Variants in LTBP1 observed in about 807,000 individuals in gnomAD.
The protein encoded by LTBP1 is latent transforming growth factor beta binding protein 1.
LTBP1 carries 129 observed loss-of-function variants against 207.6 expected under a neutral mutation model. The observed-to-expected ratio is 0.62, with a 90% CI of 0.54 to 0.72. The LOEUF (loss-of-function observed/expected upper bound fraction) is 0.72, where lower values mean the gene tolerates loss of function less well. LTBP1 is among the 30% of genes least tolerant of loss of function. The probability of loss-of-function intolerance (pLI) is 0.00; values close to 1 mark genes in which losing one functional copy is unlikely to be tolerated. For missense variants in LTBP1, 2,281 were observed against 2,217.2 expected (o/e 1.03, Z -0.58); for synonymous variants, 963 against 833.7 (o/e 1.16, Z -2.67).
chr2:33,397,224 T>A lies in LTBP1; in HGVS notation c.4926T>A (p.Gly1642=). ...GTCGCTGTGTGAGGGTCCAGGAAGG[T>A]TACACCTGCGATTGCTTTGATGGGT... is the stretch of plus-strand genomic sequence containing the variant. ...ENGRCVRVQE[G]YTCDCFDGYH... The change falls in exon 33 of 34, where the codon GGT becomes GGA. Residue 1642 remains glycine, a synonymous_variant. Coordinates refer to ENST00000404816, the MANE Select transcript of LTBP1 (RefSeq NM_206943.4). 1.9e-6 allele frequency: 3 copies of A among 1,614,162 alleles called. No homozygotes were observed. Among genetic ancestry groups the A allele is most frequent in the Non-Finnish European group, 2.5e-6 (3 of 1,180,016 alleles).
At chr2:32,989,520 T>A (rs1684088425) in intron 2 of LTBP1, among the ~76,000 whole-genome samples, 1 of 152,204 alleles carries the variant, frequency 6.6e-6, no homozygotes, top group Admixed American at 6.5e-5. Flanking sequence ...CAGTATATGC[T>A]TTACTCTGAC....
At chr2:33,089,885 A>G (rs2078980893) in intron 3 of LTBP1, among the ~76,000 whole-genome samples, 1 of 152,230 alleles carries the variant, frequency 6.6e-6, no homozygotes, top group Admixed American at 6.5e-5. Flanking sequence ...AGCATTGCTG[A>G]GCTGAGCAAG....
chr2:33,362,023 C>T (rs967310178), intron 28 of LTBP1, among the ~76,000 whole-genome samples: 1 of 152,130 alleles, frequency 6.6e-6, no homozygotes, highest in Non-Finnish European at 1.5e-5. Context: ...GAAGAGAAGA[C>T]AACCAAAGTA....
intron 26 of LTBP1, among the ~76,000 whole-genome samples, chr2:33,357,057 G>A (rs1192182014): frequency 2.0e-5 from 3 of 152,222 alleles, no homozygotes; most frequent in Admixed American, 1.3e-4. Flanking sequence ...TGGAAAGGGA[G>A]AGCCCATTTA....
intron 8 of LTBP1, 130 bp from the exon 9 acceptor site, chr2:33,221,950 G>T: frequency 1.7e-6 from 1 of 593,472 alleles, no homozygotes; most frequent in Non-Finnish European, 3.1e-6. Flanking sequence ...GATATACATT[G>T]GTATTGGTTT....
chr2:33,249,575 A>G (rs2092622327), intron 10 of LTBP1, among the ~76,000 whole-genome samples: 1 of 152,110 alleles, frequency 6.6e-6, no homozygotes, highest in South Asian at 2.1e-4. Flanking sequence ...TATGGTTATG[A>G]TTTGGTACTA....
At chr2:33,212,568 A>T (rs376265426) in intron 7 of LTBP1, among the ~76,000 whole-genome samples, 1 of 152,196 alleles carries the variant, frequency 6.6e-6, no homozygotes, top group Non-Finnish European at 1.5e-5. Context: ...TCTGCTTCAT[A>T]TCCTGGGCAT....
In LTBP1 at chr2:33,188,553, A is replaced by G. The variant is rs751185070; in HGVS notation, c.1427-24A>G. On this transcript the variant is annotated intron_variant, in intron 6 of 33. Coordinates refer to ENST00000404816, the MANE Select transcript of LTBP1 (RefSeq NM_206943.4). ...GCCTGTTAGTTATTCAGGACTAACA[A>G]GTTTTCCTCCCAATCTGTTGTAGTG... is the stretch of plus-strand genomic sequence containing the variant. 5 of 1,591,578 alleles carry G rather than the reference A, an allele frequency of 3.1e-6. No homozygotes were observed. In the East Asian group the frequency reaches 1.1e-4, roughly 36 times the overall value.
In LTBP1 at chr2:33,068,096, G is replaced by A. The variant is rs144079086; in HGVS notation, c.864-42486G>A. Reference sequence around the variant, plus strand: ...ATAGGTGTGTGAAAAGACATTTTCAGAGATGAAATATGTAAAATCTCATTA... The same window carrying A: ...ATAGGTGTGTGAAAAGACATTTTCAAAGATGAAATATGTAAAATCTCATTA... On this transcript the variant is annotated intron_variant, in intron 3 of 33. Coordinates refer to ENST00000404816, the MANE Select transcript of LTBP1 (RefSeq NM_206943.4). Among the ~76,000 whole-genome samples the A allele has an allele frequency of 3.3e-3, 474 of 143,324 alleles. 2 individuals carry two copies. The highest frequency in any genetic ancestry group is 5.6e-3 in the Non-Finnish European group (374 of 66,934). 94.0% of individuals were successfully genotyped at this position (143,324 alleles called of 152,430 possible).
intron 3 of LTBP1, among the ~76,000 whole-genome samples, chr2:33,045,411 T>G (rs1158583865): frequency 6.6e-6 from 1 of 152,230 alleles, no homozygotes; most frequent in African/African-American, 2.4e-5. Context: ...TTGTCAAAGA[T>G]CAGATGGTTG....
In LTBP1 at chr2:32,947,223, G is replaced by A. The variant is rs576791668; in HGVS notation, c.-102G>A. 244 of 922,044 alleles carry A rather than the reference G, an allele frequency of 2.6e-4. 3 individuals carry two copies. In the Admixed American group the frequency reaches 5.0e-3, roughly 19 times the overall value. 57.1% of individuals were successfully genotyped at this position (922,044 alleles called of 1,614,324 possible). On this transcript the variant is annotated 5_prime_UTR_variant, in exon 1 of 34. Coordinates refer to ENST00000404816, the MANE Select transcript of LTBP1 (RefSeq NM_206943.4). ...CTCCTCCCGCCTTTCCCGGGCTCTCGGCAGCTCTCGGGGGAGCCCGAACGC... is the reference window on the plus strand; with the variant it reads ...CTCCTCCCGCCTTTCCCGGGCTCTCAGCAGCTCTCGGGGGAGCCCGAACGC...
At chr2:33,126,377 A>G (rs7600941) in intron 4 of LTBP1, among the ~76,000 whole-genome samples, 9,954 of 152,192 alleles carry the variant, frequency 0.065, 419 homozygotes, top group African/African-American at 0.11. Context: ...TTGTTCTTAG[A>G]CAAGATTCAC....
intron 5 of LTBP1, among the ~76,000 whole-genome samples, chr2:33,136,153 C>T (rs574981168): frequency 1.3e-5 from 2 of 152,116 alleles, no homozygotes; most frequent in Non-Finnish European, 1.5e-5. Flanking sequence ...CCCATAGATA[C>T]GATTTAAAAG....
chr2:33,332,372 C>CAAAAA (rs745342264), intron 24 of LTBP1, among the ~76,000 whole-genome samples: 5 of 52,478 alleles, frequency 9.5e-5, no homozygotes, highest in Non-Finnish European at 1.3e-4. Context: ...ACACCATCTC[C>CAAAAA]AAAAAAAAAA....
chr2:33,336,111 T>G (rs1259517914), intron 24 of LTBP1, among the ~76,000 whole-genome samples: 3 of 152,144 alleles, frequency 2.0e-5, no homozygotes, highest in African/African-American at 4.8e-5. Context: ...ATTTCTTGTA[T>G]TAAAGGACAG....
intron 24 of LTBP1, among the ~76,000 whole-genome samples, chr2:33,316,210 A>G (rs1213624016): frequency 6.6e-6 from 1 of 152,278 alleles, no homozygotes; most frequent in Non-Finnish European, 1.5e-5. Flanking sequence ...TTTTAAAAGT[A>G]AACTGAAAAG....
At chr2:33,024,962 T>C (rs1257781484) in intron 3 of LTBP1, among the ~76,000 whole-genome samples, 3 of 152,238 alleles carry the variant, frequency 2.0e-5, no homozygotes, top group Non-Finnish European at 4.4e-5. Flanking sequence ...TGGCTCACTT[T>C]CATGGCTGTT....
chr2:33,132,483 G>A (rs2081871761), intron 4 of LTBP1, among the ~76,000 whole-genome samples: 1 of 152,196 alleles, frequency 6.6e-6, no homozygotes, highest in Non-Finnish European at 1.5e-5. Flanking sequence ...CAGCTAAGCG[G>A]GTCCACAGAG....
intron 5 of LTBP1, among the ~76,000 whole-genome samples, chr2:33,152,814 A>G (rs1017005790): frequency 6.6e-6 from 1 of 152,164 alleles, no homozygotes; most frequent in African/African-American, 2.4e-5. Flanking sequence ...TTCAAGAAAA[A>G]CCTGGGATTT....
Sources: gnomAD v4.1 joint callset for allele counts (sites outside exome capture counted in the v4.1 genomes callset) on GRCh38, gnomAD v4.1.1 for gene constraint, MANE v1.5 for transcripts, NCBI Gene and HGNC (gene_info 2026-07-23, HGNC 2026-07-21) for gene names.